BANP: variants seen among roughly 807,000 people sequenced by gnomAD.
BANP encodes the protein BTG3 associated nuclear protein.
A neutral mutation model predicts 68.1 loss-of-function variants in BANP; 11 were observed. The ratio of observed to expected loss-of-function variants is 0.16; its 90% CI spans 0.10 to 0.27. The LOEUF is 0.27. Among genes scored for constraint, BANP ranks in the 10% least tolerant of loss-of-function variants. The pLI is 1.00. For synonymous variants in BANP, 329 were observed against 303.2 expected, an observed-to-expected ratio of 1.09 and a Z score of -0.88; for missense variants, 504 against 722.7, an observed-to-expected ratio of 0.70 and a Z score of 3.47.
In BANP at chr16:88,001,176, G is replaced by A. The variant is rs1191651612; in HGVS notation, c.363-3119G>A. ...CCTGTCCTTCCAGACACATCTCCAT[G>A]CACGCACGTGTGCGGCTGTACTTAC... On this transcript the variant is annotated intron_variant, in intron 4 of 13. Transcript: ENST00000682872. Among the ~76,000 whole-genome samples, 7 of 109,558 alleles carry A rather than the reference G, an allele frequency of 6.4e-5. 1 individual carries two copies. The highest frequency in any genetic ancestry group is 2.8e-4 in the African/African-American group (7 of 24,978). The allele number at this position is 109,558 out of a possible 152,430, so 71.9% of individuals were successfully genotyped here.
intron 11 of BANP, among the ~76,000 whole-genome samples, chr16:88,056,572 T>C: frequency 6.6e-6 from 1 of 152,132 alleles, no homozygotes; most frequent in East Asian, 1.9e-4. Context: ...CGCTGTTAGC[T>C]GAAGCTGAAA....
chr16:88,011,219 G>A (rs955981186), intron 6 of BANP, among the ~76,000 whole-genome samples: 7 of 152,130 alleles, frequency 4.6e-5, no homozygotes, highest in African/African-American at 1.4e-4. Flanking sequence ...TGGAGGTGTC[G>A]GGAGCAGTCT....
intron 4 of BANP, among the ~76,000 whole-genome samples, chr16:87,988,845 C>T (rs1377335394): frequency 6.6e-6 from 1 of 152,212 alleles, no homozygotes; most frequent in Non-Finnish European, 1.5e-5. Flanking sequence ...CCAGCCCAAC[C>T]CTCAAGGGCG....
intron 7 of BANP, among the ~76,000 whole-genome samples, chr16:88,022,758 C>CA (rs2076260509): frequency 6.6e-6 from 1 of 152,202 alleles, no homozygotes; most frequent in Non-Finnish European, 1.5e-5. Context: ...CTCCCAGCTT[C>CA]TGGTGGTGGC....
intron 7 of BANP, among the ~76,000 whole-genome samples, chr16:88,020,833 T>G (rs1198507069): frequency 6.6e-6 from 1 of 152,176 alleles, no homozygotes; most frequent in Non-Finnish European, 1.5e-5. Context: ...TTCAGGGCAT[T>G]GGCTGCAATT....
chr16:88,071,633 T>G lies in BANP; in HGVS notation c.1378-436T>G. On this transcript the variant is annotated intron_variant, in intron 12 of 13. Coordinates refer to ENST00000682872, the MANE Select transcript of BANP (RefSeq NM_001386991.1). The surrounding 1 kb of genome is among the most constrained non-coding windows in gnomAD (Gnocchi z 6.5). ...ACTCTGCCTTGGGAATGGGGAGGGT[T>G]TGGGTCTCAGCCTCACGCTCACGGT... is the stretch of plus-strand genomic sequence containing the variant. The G allele has an allele frequency of 2.2e-6, 1 of 462,092 alleles. No individual in the cohort carries two copies. Among genetic ancestry groups the G allele is most frequent in the Non-Finnish European group, 4.3e-6 (1 of 230,768 alleles). 28.6% of individuals were successfully genotyped at this position (462,092 alleles called of 1,614,324 possible).
chr16:87,963,500 C>A (rs185179826), intron 1 of BANP: 4 of 152,360 alleles, frequency 2.6e-5, no homozygotes, highest in African/African-American at 9.6e-5. Context: ...GTGATTCACA[C>A]CACGTCAGAG....
At chr16:88,063,293 G>A (rs1249173260) in intron 11 of BANP, among the ~76,000 whole-genome samples, 1 of 152,222 alleles carries the variant, frequency 6.6e-6, no homozygotes, top group Non-Finnish European at 1.5e-5. Context: ...CCTCCCCGGT[G>A]TGGATGCTTT....
At chr16:88,016,520 C>T (rs1180514790) in intron 6 of BANP, among the ~76,000 whole-genome samples, 1 of 152,194 alleles carries the variant, frequency 6.6e-6, no homozygotes, top group Non-Finnish European at 1.5e-5. Flanking sequence ...CCGCTGTGTT[C>T]GATGACATTG....
At position 87,975,044 on chromosome 16, in the gene BANP, G is replaced by C; in HGVS notation, c.-68-4G>C. ...TCTCCTCCTCCTTTGCTTCTGTTTG[G>C]TAGGTGACCAAAAGCCAGCCCCACT... On this transcript the variant is annotated splice_polypyrimidine_tract_variant and splice_region_variant and intron_variant, in intron 1 of 13. Transcript: ENST00000682872. The C allele has an allele frequency of 7.6e-7, 1 of 1,318,704 alleles. No homozygotes were observed. The highest frequency in any genetic ancestry group is 1.1e-6 in the Non-Finnish European group (1 of 915,388). 81.7% of individuals were successfully genotyped at this position (1,318,704 alleles called of 1,614,324 possible).
chr16:87,967,980 C>G (rs1337264825), intron 1 of BANP, among the ~76,000 whole-genome samples: 16 of 146,926 alleles, frequency 1.1e-4, no homozygotes, highest in African/African-American at 3.0e-4. Context: ...TCTCGAACTC[C>G]CGACCTCAGG....
chr16:88,064,320 C>T lies in BANP; in HGVS notation c.1312-947C>T, dbSNP rs191305773. ...CCCTGTGCGTCCCTTGCACCCTTGC[C>T]CTGTGGTCACCTGTGGTCAGGGACA... On this transcript the variant is annotated intron_variant, in intron 11 of 13. Coordinates refer to ENST00000682872, the MANE Select transcript of BANP (RefSeq NM_001386991.1). This position sits in a 1 kb window ranked among gnomAD's most constrained non-coding sequence, Gnocchi z 4.5. Among the ~76,000 whole-genome samples the T allele has an allele frequency of 2.0e-3, 301 of 152,256 alleles. 4 individuals are homozygous for T. The highest frequency in any genetic ancestry group is 3.1e-3 in the Non-Finnish European group (214 of 68,022).
In BANP at chr16:88,076,855, C is replaced by A; in HGVS notation, c.*194C>A. ...GCCGCCGCCGCCCCCAGCCGGAGAC[C>A]CCTTTCGTTTGAGTCCTGCTGTTGG... On this transcript the variant is annotated 3_prime_UTR_variant, in exon 14 of 14. Coordinates refer to ENST00000682872, the MANE Select transcript of BANP (RefSeq NM_001386991.1). 1.7e-6 allele frequency: 1 copy of A among 580,008 alleles called. No homozygotes were observed. The highest frequency in any genetic ancestry group is 3.0e-6 in the Non-Finnish European group (1 of 331,132). The allele number at this position is 580,008 out of a possible 1,614,324, so 35.9% of individuals were successfully genotyped here. A position where few individuals can be genotyped will look rare whatever the true frequency, so the allele number is the denominator to read the frequency against.
At chr16:87,998,809 T>C in intron 4 of BANP, among the ~76,000 whole-genome samples, 1 of 132,548 alleles carries the variant, frequency 7.5e-6, no homozygotes, top group Non-Finnish European at 1.6e-5. Flanking sequence ...TACCTGTCCT[T>C]CCAGACACGT....
At chr16:87,974,583 G>C (rs911270925) in intron 1 of BANP, among the ~76,000 whole-genome samples, 1 of 152,202 alleles carries the variant, frequency 6.6e-6, no homozygotes, top group African/African-American at 2.4e-5. Flanking sequence ...CTTGGGAGGA[G>C]AGGTGGCGTA....
intron 6 of BANP, among the ~76,000 whole-genome samples, chr16:88,007,093 T>C (rs1479915032): frequency 6.6e-6 from 1 of 152,138 alleles, no homozygotes; most frequent in African/African-American, 2.4e-5. Flanking sequence ...CTCACTTCTT[T>C]CCCCTACACA....
In BANP at chr16:88,052,289, C is replaced by G. The variant is rs75266601; in HGVS notation, c.1312-12978C>G. The stretch of plus-strand genomic sequence containing the variant: ...ACACCTTCTAAAGCATTGTGGCAAG[C>G]TAGCGCTCTGCCTGCATTAACTCAG... On this transcript the variant is annotated intron_variant, in intron 11 of 13. Transcript: ENST00000682872. Among the ~76,000 whole-genome samples, 140 of 152,326 alleles carry G rather than the reference C, an allele frequency of 9.2e-4. 1 individual carries two copies. The highest frequency in any genetic ancestry group is 3.3e-3 in the African/African-American group (139 of 41,570).
intron 4 of BANP, among the ~76,000 whole-genome samples, chr16:88,001,649 C>A (rs1036959003): frequency 1.3e-5 from 2 of 152,106 alleles, no homozygotes; most frequent in African/African-American, 4.8e-5. Context: ...TAATATTGAT[C>A]TTTAAAAACA....
intron 13 of BANP, among the ~76,000 whole-genome samples, chr16:88,075,424 G>A (rs1224998089): frequency 6.6e-6 from 1 of 152,192 alleles, no homozygotes; most frequent in Non-Finnish European, 1.5e-5. Context: ...GATCACTTGG[G>A]CCCATGAGGT....
Sources: allele counts gnomAD v4.1 joint callset (sites outside exome capture counted in the v4.1 genomes callset), GRCh38; gene constraint gnomAD v4.1.1; non-coding constraint Gnocchi (gnomAD v3.1); transcripts MANE v1.5; gene names NCBI Gene and HGNC (gene_info 2026-07-23, HGNC 2026-07-21).